The following LRP1B variants were observed in gnomAD, a reference collection of about 807,000 sequenced individuals.
LRP1B encodes the protein LDL receptor related protein 1B.
In LRP1B, 217 loss-of-function variants were observed where a neutral mutation model predicts 556.6. The ratio of observed to expected loss-of-function variants is 0.39; its 90% CI spans 0.35 to 0.44. The LOEUF (loss-of-function observed/expected upper bound fraction) is 0.44. LRP1B is among the 20% of genes least tolerant of loss of function. The probability of loss-of-function intolerance (pLI) is 1.00; values close to 1 mark genes in which losing one functional copy is unlikely to be tolerated. For synonymous variants in LRP1B, 2,047 were observed against 1,865.8 expected (o/e 1.10, Z -2.50); for missense variants, 5,053 against 5,620.8 (o/e 0.90, Z 3.23).
At chr2:140,335,347 A>G (rs1050372929) in intron 78 of LRP1B, among the ~76,000 whole-genome samples, 1 of 152,010 alleles carries the variant, frequency 6.6e-6, no homozygotes, top group Non-Finnish European at 1.5e-5. Flanking sequence ...TTATTCTGCA[A>G]TACACACATA....
At chr2:140,358,970 A>T in intron 72 of LRP1B, 24 bp from the exon 73 acceptor site, 1 of 1,601,010 alleles carries the variant, frequency 6.2e-7, no homozygotes, top group Non-Finnish European at 8.5e-7. Flanking sequence ...AGAAAAAACA[A>T]AGAAGCTCCT....
rs370411557 is a variant in LRP1B at position 141,278,210 on chromosome 2, A to G, written c.344-23569T>C. Among the ~76,000 whole-genome samples the G allele has an allele frequency of 8.5e-5, 13 of 152,270 alleles. No individual in the cohort carries two copies. In the East Asian group the frequency reaches 2.5e-3, roughly 29 times the overall value. ...GAGAGGTATTAATGCTTCAGGAGAAATTGGCTGGGGCTCAGAGAATTGCTC... is the reference window on the plus strand; with the variant it reads ...GAGAGGTATTAATGCTTCAGGAGAAGTTGGCTGGGGCTCAGAGAATTGCTC... On this transcript the variant is annotated intron_variant, in intron 3 of 90. Transcript: ENST00000389484.
intron 1 of LRP1B, among the ~76,000 whole-genome samples, chr2:141,895,061 A>G (rs183003928): frequency 1.3e-5 from 2 of 150,714 alleles, no homozygotes; most frequent in East Asian, 1.9e-4. Flanking sequence ...AAAAAAAAAA[A>G]AAAAAGAAAA....
chr2:140,799,027 TA>T (rs1214341732), intron 32 of LRP1B, among the ~76,000 whole-genome samples: 1 of 152,124 alleles, frequency 6.6e-6, no homozygotes, highest in Non-Finnish European at 1.5e-5. Context: ...TCACAGTGGT[TA>T]AAAAATATAT....
intron 27 of LRP1B, among the ~76,000 whole-genome samples, chr2:140,859,490 T>A (rs890319936): frequency 6.6e-6 from 1 of 152,154 alleles, no homozygotes; most frequent in African/African-American, 2.4e-5. Flanking sequence ...ATTTTTCTGA[T>A]GCAATTGGAG....
intron 3 of LRP1B, among the ~76,000 whole-genome samples, chr2:141,462,908 A>G (rs1161299005): frequency 6.6e-6 from 1 of 152,168 alleles, no homozygotes; most frequent in Non-Finnish European, 1.5e-5. Flanking sequence ...ATCATAAACA[A>G]TAGCAATTCA....
At chr2:140,769,075 C>T (rs1689212633) in intron 35 of LRP1B, 138 bp downstream of exon 35, 1 of 756,560 alleles carries the variant, frequency 1.3e-6, no homozygotes. Context: ...TTATGATTGG[C>T]CTTAATATTT....
At chr2:140,836,463 C>T (rs1354337017) in intron 31 of LRP1B, among the ~76,000 whole-genome samples, 2 of 152,142 alleles carry the variant, frequency 1.3e-5, no homozygotes, top group Non-Finnish European at 2.9e-5. Context: ...TACATTGTCC[C>T]TAATTTCTAG....
At chr2:140,598,300 T>C (rs1682520668) in intron 43 of LRP1B, among the ~76,000 whole-genome samples, 1 of 152,180 alleles carries the variant, frequency 6.6e-6, no homozygotes, top group South Asian at 2.1e-4. Context: ...TATTTCACAT[T>C]TTTAAAAACT....
intron 1 of LRP1B, among the ~76,000 whole-genome samples, chr2:142,123,060 C>T (rs1707515265): frequency 6.6e-6 from 1 of 151,966 alleles, no homozygotes; most frequent in African/African-American, 2.4e-5. Context: ...CATTGTTTTT[C>T]TTCCTTTCCT....
intron 2 of LRP1B, among the ~76,000 whole-genome samples, chr2:141,742,314 C>T (rs1337421780): frequency 4.1e-5 from 6 of 146,866 alleles, no homozygotes; most frequent in African/African-American, 1.5e-4. Context: ...TGTAGTGGTG[C>T]AATCTCGACT....
chr2:142,027,568 G>C (rs1703551752), intron 1 of LRP1B, among the ~76,000 whole-genome samples: 1 of 151,598 alleles, frequency 6.6e-6, no homozygotes, highest in Non-Finnish European at 1.5e-5. Flanking sequence ...GTATTTATGT[G>C]CCAGGCCCTG....
intron 2 of LRP1B, among the ~76,000 whole-genome samples, chr2:141,638,503 G>A (rs1050823837): frequency 2.2e-5 from 3 of 139,184 alleles, no homozygotes; most frequent in Non-Finnish European, 4.8e-5. Context: ...GGAGCAGTGA[G>A]GGGCAAGCCA....
intron 3 of LRP1B, among the ~76,000 whole-genome samples, chr2:141,287,478 A>G: frequency 6.6e-6 from 1 of 152,044 alleles, no homozygotes; most frequent in East Asian, 1.9e-4. Context: ...GCCCACCACC[A>G]TGCCCTATTT....
At chr2:142,010,687 G>A (rs1231503020) in intron 1 of LRP1B, among the ~76,000 whole-genome samples, 1 of 151,824 alleles carries the variant, frequency 6.6e-6, no homozygotes, top group Non-Finnish European at 1.5e-5. Flanking sequence ...TGGTGCACAT[G>A]TGGTTGTAGG....
chr2:140,847,853 A>T lies in LRP1B; in HGVS notation c.4939+2249T>A, dbSNP rs143959972. ...ATTATTGCTCCTAATGAGTATATGT[A>T]TTAATTATTAGTGAGAAAACATTTT... On this transcript the variant is annotated intron_variant, in intron 29 of 90. Coordinates refer to ENST00000389484, the MANE Select transcript of LRP1B (RefSeq NM_018557.3). Among the ~76,000 whole-genome samples, 253 of 152,146 alleles carry T rather than the reference A, an allele frequency of 1.7e-3. 1 individual carries two copies. Among genetic ancestry groups the T allele is most frequent in the African/African-American group, 5.7e-3 (238 of 41,538 alleles).
chr2:141,081,399 G>T (rs1483096589), intron 7 of LRP1B, among the ~76,000 whole-genome samples: 1 of 152,148 alleles, frequency 6.6e-6, no homozygotes, highest in Non-Finnish European at 1.5e-5. Flanking sequence ...TGAATTAAAT[G>T]AGATGCAGTG....
At chr2:141,753,140 C>G (rs977152789) in intron 2 of LRP1B, among the ~76,000 whole-genome samples, 2 of 145,798 alleles carry the variant, frequency 1.4e-5, no homozygotes, top group African/African-American at 5.1e-5. Flanking sequence ...CCCAGCTACT[C>G]GGGAGGCTGA....
intron 41 of LRP1B, among the ~76,000 whole-genome samples, chr2:140,643,961 T>C (rs1049023373): frequency 2.0e-5 from 3 of 152,198 alleles, no homozygotes; most frequent in African/African-American, 7.2e-5. Context: ...GAAAATTCTG[T>C]ACACATTTTT....
Sources: gnomAD v4.1 joint callset for allele counts (sites outside exome capture counted in the v4.1 genomes callset) on GRCh38, gnomAD v4.1.1 for gene constraint, MANE v1.5 for transcripts, NCBI Gene and HGNC (gene_info 2026-07-23, HGNC 2026-07-21) for gene names.